The following PTCH1 variants were observed in gnomAD, a reference collection of about 807,000 sequenced individuals.
PTCH1 encodes the protein patched 1.
A neutral mutation model predicts 144.6 loss-of-function variants in PTCH1; 14 were observed. The observed-to-expected ratio is 0.10, with a 90% CI of 0.06 to 0.15. PTCH1 has a LOEUF of 0.15. Among genes scored for constraint, PTCH1 ranks in the 10% least tolerant of loss-of-function variants. The pLI, the probability that PTCH1 is intolerant of heterozygous loss-of-function variation, is 1.00. For synonymous variants in PTCH1, 833 were observed against 793.6 expected (o/e 1.05, Z -0.83); for missense variants, 1,623 against 1,948.3 (o/e 0.83, Z 3.14).
chr9:95,503,574 T>C (rs1278894561), intron 2 of PTCH1, among the ~76,000 whole-genome samples: 2 of 152,180 alleles, frequency 1.3e-5, no homozygotes, highest in African/African-American at 2.4e-5. Flanking sequence ...AATGAATGAA[T>C]GAGAGATCAA....
At chr9:95,467,460 G>A in intron 14 of PTCH1, 35 bp from the exon 15 acceptor site, 2 of 1,599,926 alleles carry the variant, frequency 1.3e-6, no homozygotes, top group Non-Finnish European at 1.7e-6. Context: ...AGACCCCAGG[G>A]AGCACCACTG....
At position 95,478,096 on chromosome 9, in the gene PTCH1, C is replaced by T. The variant is rs142274954; in HGVS notation, c.1306G>A (p.Asp436Asn). The T allele has an allele frequency of 9.3e-4, 1,499 of 1,614,178 alleles. 1 individual carries two copies. Among genetic ancestry groups the T allele is most frequent in the Admixed American group, 1.6e-3 (97 of 60,028 alleles). Residue 436 changes from aspartate to asparagine, a missense_variant, in exon 9 of 24, where the codon GAC (aspartate) becomes AAC (asparagine). Asp to Asn is a conservative substitution (Grantham distance 23). Around this residue, in one of 7 missense-constraint regions of PTCH1, gnomAD observed 230 missense variants for 271.0 expected, o/e 0.85. Coordinates refer to ENST00000331920, the MANE Select transcript of PTCH1 (RefSeq NM_000264.5). The part of the protein sequence containing the change: ...TLDDILKSFS[D>N]VSVIRVASGY... ...CTGGCCACGCGGATGACACTGACGT[C>T]AGAGAAGGATTTCAGGATGTCGTCC...
chr9:95,481,455 A>G (rs944561635), intron 5 of PTCH1, among the ~76,000 whole-genome samples: 2 of 152,246 alleles, frequency 1.3e-5, no homozygotes, highest in Non-Finnish European at 2.9e-5. Context: ...ACGGTGAAAC[A>G]TTCCCTACTG....
chr9:95,478,336 A>G (rs770546676), intron 8 of PTCH1, 150 bp from the exon 9 acceptor site: 164 of 1,252,620 alleles, frequency 1.3e-4, no homozygotes, highest in Middle Eastern at 2.6e-4. Flanking sequence ...GCAGGGAGAG[A>G]AGCTGAAGTT....
At chr9:95,453,928 TG>T (rs1300061368) in intron 19 of PTCH1, among the ~76,000 whole-genome samples, 1 of 152,206 alleles carries the variant, frequency 6.6e-6, no homozygotes, top group African/African-American at 2.4e-5. Flanking sequence ...CCTCCTTAAA[TG>T]ATCTCACACC....
In PTCH1 at chr9:95,509,237, AAAG is replaced by A. The variant is rs1227757684; in HGVS notation, c.-879_-877del. ...AAAAAAGAACTCTCTCCATTTGGAGAAAGAAGAGGAGGAGGGGAGGGGAGGGGG... is the reference window on the plus strand; with the variant it reads ...AAAAAAGAACTCTCTCCATTTGGAGAAAGAGGAGGAGGGGAGGGGAGGGGG... On this transcript the variant is annotated 5_prime_UTR_variant, in exon 1 of 24. Transcript: ENST00000331920. Among the ~76,000 whole-genome samples the A allele has an allele frequency of 1.3e-5, 2 of 151,212 alleles. No homozygotes were observed. Among genetic ancestry groups the A allele is most frequent in the East Asian group, 2.0e-4 (1 of 5,122 alleles).
chr9:95,503,550 A>T (rs947569170), intron 2 of PTCH1, among the ~76,000 whole-genome samples: 1 of 152,108 alleles, frequency 6.6e-6, no homozygotes, highest in Non-Finnish European at 1.5e-5. Flanking sequence ...AATCTAGCAC[A>T]GAATGAATGA....
chr9:95,480,320 G>C (rs1841427402), intron 6 of PTCH1, 70 bp downstream of exon 6: 11 of 1,569,608 alleles, frequency 7.0e-6, no homozygotes, highest in Non-Finnish European at 8.7e-6. Flanking sequence ...ATAATAAAGT[G>C]AACGATGAAT....
chr9:95,463,381 C>G (rs933517115), intron 15 of PTCH1, among the ~76,000 whole-genome samples: 1 of 151,832 alleles, frequency 6.6e-6, no homozygotes, highest in African/African-American at 2.4e-5. Flanking sequence ...GGAGACGGGA[C>G]AGGAGACCAC....
At chr9:95,486,361 G>T (rs942899126) in intron 2 of PTCH1, among the ~76,000 whole-genome samples, 1 of 152,268 alleles carries the variant, frequency 6.6e-6, no homozygotes, top group East Asian at 1.9e-4. Flanking sequence ...GCCAGTGTGT[G>T]TTCAGCACAA....
At chr9:95,510,877 C>A (rs1844115976), upstream of PTCH1, among the ~76,000 whole-genome samples, 1 of 151,178 alleles carries the variant, frequency 6.6e-6, no homozygotes. Flanking sequence ...CTCCCGGACT[C>A]CCCGCGCCCG....
chr9:95,497,690 T>C (rs577827073), intron 2 of PTCH1, among the ~76,000 whole-genome samples: 2 of 152,368 alleles, frequency 1.3e-5, no homozygotes, highest in African/African-American at 4.8e-5. Flanking sequence ...CCCTCCATTC[T>C]GTCCCACATT....
At chr9:95,459,427 G>C (rs2136668604) in intron 17 of PTCH1, among the ~76,000 whole-genome samples, 173 bp downstream of exon 17, 1 of 152,314 alleles carries the variant, frequency 6.6e-6, no homozygotes, top group Non-Finnish European at 1.5e-5. Context: ...TGCGGGGGTT[G>C]TATCCCATTA....
In PTCH1 at chr9:95,477,655, G is replaced by A; in HGVS notation, c.1395C>T (p.Ser465=). The A allele has an allele frequency of 6.2e-7, 1 of 1,614,170 alleles. No individual in the cohort carries two copies. The highest frequency in any genetic ancestry group is 8.5e-7 in the Non-Finnish European group (1 of 1,180,044). ...LTMLRWDCSK[S]QGAVGLAGVL... ...CGCCAGCCAGCCCCACGGCACCCTG[G>A]GACTTGGAGCAGTCCCAGCGCAGCA... Residue 465 remains serine (S), a synonymous_variant, in exon 10 of 24, where the codon TCC becomes TCT. Transcript: ENST00000331920.
At chr9:95,502,556 A>G (rs919537653) in intron 2 of PTCH1, among the ~76,000 whole-genome samples, 2 of 152,258 alleles carry the variant, frequency 1.3e-5, no homozygotes, top group Admixed American at 6.5e-5. Flanking sequence ...TACTCCGCAC[A>G]TATGTGAAAC....
At chr9:95,482,260 A>C (rs773567596) in intron 3 of PTCH1, 57 bp from the exon 4 acceptor site, 50 of 1,480,532 alleles carry the variant, frequency 3.4e-5, no homozygotes, top group Non-Finnish European at 4.6e-5. Flanking sequence ...AAATTAGTGC[A>C]AATTCGAAAT....
chr9:95,491,036 T>C (rs1842369203), intron 2 of PTCH1, among the ~76,000 whole-genome samples: 1 of 152,094 alleles, frequency 6.6e-6, no homozygotes, highest in Non-Finnish European at 1.5e-5. Flanking sequence ...ATAAAAATAA[T>C]CATATGCATC....
chr9:95,480,614 C>T (rs1407246912), intron 5 of PTCH1, 26 bp from the exon 6 acceptor site: 1 of 1,599,660 alleles, frequency 6.3e-7, no homozygotes, highest in Non-Finnish European at 8.6e-7. Context: ...GGAGACGAGA[C>T]CATGAAAAGA....
In PTCH1 at chr9:95,481,958, G is replaced by A. The variant is rs2118459627; in HGVS notation, c.737C>T (p.Ala246Val). ...ATGATCACACACTTACAGGAGGTATGCTGTCCCAGACTGTAATTTCGCCCC... is the reference window on the plus strand; with the variant it reads ...ATGATCACACACTTACAGGAGGTATACTGTCCCAGACTGTAATTTCGCCCC... ...WEGAKLQSGT[A>V]YLLGKPPLRW... is the part of the protein sequence containing the mutation. Residue 246 changes from alanine (A) to valine (V), a missense_variant, in exon 5 of 24, where the codon GCA becomes GTA. Coordinates refer to ENST00000331920, the MANE Select transcript of PTCH1 (RefSeq NM_000264.5). The A allele has an allele frequency of 6.2e-7, 1 of 1,610,236 alleles. No homozygotes were observed. Among genetic ancestry groups the A allele is most frequent in the African/African-American group, 1.3e-5 (1 of 74,964 alleles).
Sources: allele counts gnomAD v4.1 joint callset (sites outside exome capture counted in the v4.1 genomes callset), GRCh38; gene constraint gnomAD v4.1.1; regional missense constraint gnomAD v4.1.1; transcripts MANE v1.5; gene names NCBI Gene and HGNC (gene_info 2026-07-23, HGNC 2026-07-21).